ADAMTS6: variants seen among roughly 807,000 people sequenced by gnomAD.
The protein encoded by ADAMTS6 is ADAM metallopeptidase with thrombospondin type 1 motif 6.
In ADAMTS6, 23 loss-of-function variants were observed where a neutral mutation model predicts 144.3. The observed-to-expected ratio is 0.16, with a 90% confidence interval of 0.11 to 0.23. ADAMTS6 has a LOEUF of 0.23. Among genes scored for constraint, ADAMTS6 ranks in the 10% least tolerant of loss-of-function variants. ADAMTS6 has a pLI of 1.00. For missense variants in ADAMTS6, 999 were observed against 1,379.6 expected (o/e 0.72, Z 4.37); for synonymous variants, 444 against 457.5 (o/e 0.97, Z 0.38).
intron 7 of ADAMTS6, among the ~76,000 whole-genome samples, chr5:65,341,300 T>A (rs1747797234): frequency 1.3e-5 from 2 of 150,080 alleles, no homozygotes; most frequent in Non-Finnish European, 3.0e-5. Context: ...CTCAAGAAAC[T>A]AGAAAAATAA....
At chr5:65,374,513 C>T (rs1470489431) in intron 7 of ADAMTS6, among the ~76,000 whole-genome samples, 21 of 150,940 alleles carry the variant, frequency 1.4e-4, no homozygotes, top group South Asian at 1.1e-3. Context: ...TTCACAATTG[C>T]TTCAAAGAGA....
intron 9 of ADAMTS6, among the ~76,000 whole-genome samples, chr5:65,305,808 A>G (rs1384930081): frequency 6.6e-6 from 1 of 152,094 alleles, no homozygotes; most frequent in Non-Finnish European, 1.5e-5. Context: ...ACATATGCAC[A>G]CATGGACACA....
chr5:65,362,773 T>C (rs567540661), intron 7 of ADAMTS6, among the ~76,000 whole-genome samples: 3 of 152,286 alleles, frequency 2.0e-5, no homozygotes, highest in East Asian at 1.9e-4. Flanking sequence ...GAGAGACAAA[T>C]AGAGTTTAGT....
At chr5:65,440,131 G>C (rs1462691159) in intron 7 of ADAMTS6, among the ~76,000 whole-genome samples, 1 of 152,092 alleles carries the variant, frequency 6.6e-6, no homozygotes, top group Non-Finnish European at 1.5e-5. Context: ...TTCTTAGAAA[G>C]CACAAACTGA....
chr5:65,409,220 T>C (rs1481427412), intron 7 of ADAMTS6, among the ~76,000 whole-genome samples: 1 of 152,094 alleles, frequency 6.6e-6, no homozygotes, highest in Admixed American at 6.5e-5. Context: ...AGCTGGTTTT[T>C]TTAAAAGATC....
At chr5:65,200,093 A>G (rs1755637307) in intron 20 of ADAMTS6, among the ~76,000 whole-genome samples, 1 of 152,158 alleles carries the variant, frequency 6.6e-6, no homozygotes, top group South Asian at 2.1e-4. Flanking sequence ...TCAAGAATTG[A>G]CTATATCAGT....
At chr5:65,228,193 A>T (rs1554051211) in intron 15 of ADAMTS6, among the ~76,000 whole-genome samples, 3 of 152,052 alleles carry the variant, frequency 2.0e-5, no homozygotes, top group Non-Finnish European at 4.4e-5. Context: ...TTCTTCTCTC[A>T]TTTTTTTATC....
At chr5:65,167,178 C>G (rs1281640722) in intron 24 of ADAMTS6, among the ~76,000 whole-genome samples, 2 of 147,610 alleles carry the variant, frequency 1.4e-5, no homozygotes, top group Non-Finnish European at 3.0e-5. Context: ...CAAATAGACA[C>G]AATAAAAAAT....
chr5:65,150,076 G>A lies in ADAMTS6; in HGVS notation c.*1760C>T, dbSNP rs912583622. 1 of 152,324 alleles carries A rather than the reference G, an allele frequency of 6.6e-6. No individual in the cohort carries two copies. Among genetic ancestry groups the A allele is most frequent in the South Asian group, 2.1e-4 (1 of 4,818 alleles). 9.4% of individuals were successfully genotyped at this position (152,324 alleles called of 1,614,324 possible). On this transcript the variant is annotated 3_prime_UTR_variant, in exon 25 of 25. Coordinates refer to ENST00000381055, the MANE Select transcript of ADAMTS6 (RefSeq NM_197941.4). ...TTAGATTGGCTTTTGGTGTCTGAGG[G>A]TCTGTCTTCCTTTTGGAAAAAGCCT... is the stretch of plus-strand genomic sequence containing the variant.
At chr5:65,347,421 A>G (rs1456797749) in intron 7 of ADAMTS6, among the ~76,000 whole-genome samples, 1 of 152,090 alleles carries the variant, frequency 6.6e-6, no homozygotes, top group East Asian at 1.9e-4. Flanking sequence ...TCTTCAGTAA[A>G]CAGTGCTGGG....
chr5:65,423,240 G>A (rs148378155), intron 7 of ADAMTS6, among the ~76,000 whole-genome samples: 1 of 152,144 alleles, frequency 6.6e-6, no homozygotes, highest in East Asian at 1.9e-4. Flanking sequence ...TCAGGTGGTG[G>A]GTGCACTAAA....
intron 7 of ADAMTS6, among the ~76,000 whole-genome samples, chr5:65,403,718 A>G (rs953318692): frequency 6.6e-6 from 1 of 152,126 alleles, no homozygotes; most frequent in African/African-American, 2.4e-5. Flanking sequence ...ACATCAAGTT[A>G]CCACGTAAAA....
chr5:65,162,232 G>A (rs1292154064), intron 24 of ADAMTS6, among the ~76,000 whole-genome samples: 1 of 152,138 alleles, frequency 6.6e-6, no homozygotes, highest in Non-Finnish European at 1.5e-5. Flanking sequence ...AGATTTTGGA[G>A]AAATTATTAA....
At chr5:65,368,108 G>A (rs1750476153) in intron 7 of ADAMTS6, among the ~76,000 whole-genome samples, 1 of 152,048 alleles carries the variant, frequency 6.6e-6, no homozygotes, top group African/African-American at 2.4e-5. Flanking sequence ...TAAGACTAAA[G>A]GTTACTTAAC....
At chr5:65,237,470 TA>T (rs748222732) in intron 15 of ADAMTS6, among the ~76,000 whole-genome samples, 41 of 151,744 alleles carry the variant, frequency 2.7e-4, no homozygotes, top group Non-Finnish European at 5.4e-4. Context: ...TTAAGGGAGT[TA>T]AATTTTTAAT....
At chr5:65,475,070 T>C (rs1178783659) in intron 1 of ADAMTS6, among the ~76,000 whole-genome samples, 1 of 152,100 alleles carries the variant, frequency 6.6e-6, no homozygotes, top group African/African-American at 2.4e-5. Flanking sequence ...ATCCCTAATA[T>C]ATGAAATTTT....
At chr5:65,282,783 T>C (rs1272256381) in intron 11 of ADAMTS6, among the ~76,000 whole-genome samples, 3 of 151,978 alleles carry the variant, frequency 2.0e-5, no homozygotes, top group Non-Finnish European at 2.9e-5. Context: ...GACGGTATAA[T>C]GAGGTATGTC....
intron 1 of ADAMTS6, 26 bp downstream of exon 1, chr5:65,481,317 A>T (rs1761188171): frequency 6.6e-6 from 1 of 151,696 alleles, no homozygotes; most frequent in African/African-American, 2.4e-5. Context: ...AAAAAGCTCC[A>T]TTGAATATTG....
chr5:65,409,938 T>C (rs1754909910), intron 7 of ADAMTS6, among the ~76,000 whole-genome samples: 1 of 152,180 alleles, frequency 6.6e-6, no homozygotes, highest in African/African-American at 2.4e-5. Context: ...TTTTTTATCA[T>C]ATGCAATATA....
Sources: gnomAD v4.1 joint callset for allele counts (sites outside exome capture counted in the v4.1 genomes callset) on GRCh38, gnomAD v4.1.1 for gene constraint, MANE v1.5 for transcripts, NCBI Gene and HGNC (gene_info 2026-07-23, HGNC 2026-07-21) for gene names.